AP2A2: variants seen among roughly 807,000 people sequenced by gnomAD.
AP2A2 encodes AP-2 complex subunit alpha-2.
In AP2A2, 32 loss-of-function variants were observed where a neutral mutation model predicts 104.2. The ratio of observed to expected loss-of-function variants is 0.31; its 90% confidence interval spans 0.23 to 0.41. AP2A2 has a LOEUF of 0.41. Among genes scored for constraint, AP2A2 ranks in the 10% least tolerant of loss-of-function variants. The pLI, the probability that AP2A2 is intolerant of heterozygous loss-of-function variation, is 1.00. For synonymous variants in AP2A2, 539 were observed against 533.3 expected, an observed-to-expected ratio of 1.01 and a Z score of -0.15; for missense variants, 912 against 1,261.0, an observed-to-expected ratio of 0.72 and a Z score of 4.19.
At chr11:1,007,134 C>T (rs1191808712) in intron 17 of AP2A2, 6 of 155,384 alleles carry the variant, frequency 3.9e-5, no homozygotes, top group African/African-American at 1.4e-4. Flanking sequence ...ACGTCTCTAC[C>T]TCTAAGGATA....
At chr11:983,772 C>G (rs756168834) in intron 6 of AP2A2, among the ~76,000 whole-genome samples, 1 of 152,224 alleles carries the variant, frequency 6.6e-6, no homozygotes, top group Non-Finnish European at 1.5e-5. Flanking sequence ...GTACATTTCT[C>G]TCTGAGCCCG....
At chr11:966,678 C>G (rs566398647) in intron 2 of AP2A2, among the ~76,000 whole-genome samples, 7 of 152,110 alleles carry the variant, frequency 4.6e-5, no homozygotes, top group Admixed American at 4.6e-4. Flanking sequence ...CCACCCTGCC[C>G]CCGAGGGTGT....
At chr11:983,023 T>C (rs548648073) in intron 6 of AP2A2, among the ~76,000 whole-genome samples, 49 of 143,260 alleles carry the variant, frequency 3.4e-4, no homozygotes, top group African/African-American at 6.2e-4. Context: ...TTTTCTTTTT[T>C]TTTTTTTTTT....
At chr11:997,898 C>T (rs1056021210) in intron 14 of AP2A2, among the ~76,000 whole-genome samples, 1 of 152,008 alleles carries the variant, frequency 6.6e-6, no homozygotes, top group Non-Finnish European at 1.5e-5. Context: ...GAGTGAGACT[C>T]GGTCTCAAAA....
intron 2 of AP2A2, among the ~76,000 whole-genome samples, chr11:962,311 A>G (rs1332419268): frequency 6.6e-6 from 1 of 152,258 alleles, no homozygotes; most frequent in Non-Finnish European, 1.5e-5. Flanking sequence ...CCATTTTGTT[A>G]TTGTGAAAAG....
At position 1,000,481 on chromosome 11, in the gene AP2A2, C is replaced by G. The variant is rs780966808; in HGVS notation, c.2006C>G (p.Pro669Arg). 4 of 1,540,186 alleles carry G rather than the reference C, an allele frequency of 2.6e-6. No homozygotes were observed. Among genetic ancestry groups the G allele is most frequent in the Non-Finnish European group, 3.5e-6 (4 of 1,147,114 alleles). ...CTGCTGGGTCTCGGGGCTGCCCCCCCTGCCCCCGCGGGCCCCCCACCCTCC... is the reference window on the plus strand; with the variant it reads ...CTGCTGGGTCTCGGGGCTGCCCCCCGTGCCCCCGCGGGCCCCCCACCCTCC... The part of the protein sequence containing the change: ...ADLLGLGAAP[P>R]APAGPPPSSG... Residue 669 changes from proline to arginine, a missense_variant, in exon 15 of 22, where the codon CCT becomes CGT. Physicochemically the swap from Pro to Arg is moderately radical, Grantham distance 103 (BLOSUM62 -2). This residue lies in a region of AP2A2 where 105 missense variants were observed against 90.9 expected (regional missense o/e 1.16). Transcript: ENST00000448903.
chr11:1,002,492 G>C (rs1041750625), intron 15 of AP2A2, among the ~76,000 whole-genome samples: 2 of 152,256 alleles, frequency 1.3e-5, no homozygotes, highest in African/African-American at 4.8e-5. Flanking sequence ...CCAGCAGCCT[G>C]CCGGGCTGTG....
chr11:941,900 TGAA>T (rs1853662266), intron 1 of AP2A2, among the ~76,000 whole-genome samples: 1 of 151,082 alleles, frequency 6.6e-6, no homozygotes, highest in Non-Finnish European at 1.5e-5. Context: ...CATGCTTAAA[TGAA>T]GTAGTAATAC....
At chr11:928,842 C>T (rs1853201672) in intron 1 of AP2A2, among the ~76,000 whole-genome samples, 1 of 152,170 alleles carries the variant, frequency 6.6e-6, no homozygotes, top group African/African-American at 2.4e-5. Context: ...AGCTGCAGCG[C>T]CCACCATTCT....
At chr11:1,009,871 C>T (rs1856361450) in intron 21 of AP2A2, 54 bp downstream of exon 21, 1 of 1,518,462 alleles carries the variant, frequency 6.6e-7, no homozygotes, top group South Asian at 1.2e-5. Context: ...TATTCTGGCA[C>T]AATGTACGTG....
At chr11:999,948 C>T (rs537459524) in intron 14 of AP2A2, among the ~76,000 whole-genome samples, 8 of 151,820 alleles carry the variant, frequency 5.3e-5, no homozygotes, top group Non-Finnish European at 1.0e-4. Flanking sequence ...GGACTACAGG[C>T]GCCCACCACC....
At chr11:957,090 C>A (rs1055882844) in intron 1 of AP2A2, 1 of 152,244 alleles carries the variant, frequency 6.6e-6, no homozygotes, top group Non-Finnish European at 1.5e-5. Context: ...TGTGAATGGA[C>A]ATCTCACGAC....
At chr11:954,007 G>T (rs1589961617) in intron 1 of AP2A2, among the ~76,000 whole-genome samples, 2 of 152,032 alleles carry the variant, frequency 1.3e-5, no homozygotes, top group South Asian at 4.1e-4. Context: ...GCTAATTTTT[G>T]TATTTTTAGT....
At chr11:991,986 C>T (rs1801852279) in intron 10 of AP2A2, among the ~76,000 whole-genome samples, 1 of 152,038 alleles carries the variant, frequency 6.6e-6, no homozygotes, top group Admixed American at 6.6e-5. Flanking sequence ...CTCCGGGGGG[C>T]ACCCGTGAGA....
intron 1 of AP2A2, among the ~76,000 whole-genome samples, chr11:955,003 T>C (rs1044878759): frequency 1.3e-5 from 2 of 152,246 alleles, no homozygotes; most frequent in African/African-American, 4.8e-5. Flanking sequence ...AGGTTTTTAG[T>C]ATTTCTGCTT....
At chr11:957,667 A>G (rs966052701) in intron 1 of AP2A2, among the ~76,000 whole-genome samples, 2 of 152,206 alleles carry the variant, frequency 1.3e-5, no homozygotes, top group Non-Finnish European at 2.9e-5. Flanking sequence ...TCACAATTGG[A>G]TATTATGCAA....
chr11:956,498 T>C (rs1481522515), intron 1 of AP2A2, among the ~76,000 whole-genome samples: 4 of 152,238 alleles, frequency 2.6e-5, no homozygotes, highest in African/African-American at 4.8e-5. Context: ...ACAAAGTTGT[T>C]TTTGCACACA....
chr11:981,746 G>T (rs1231576948), intron 6 of AP2A2, among the ~76,000 whole-genome samples: 1 of 152,248 alleles, frequency 6.6e-6, no homozygotes, highest in Non-Finnish European at 1.5e-5. Context: ...TCATAGAATT[G>T]GTTGTGTGAA....
At chr11:935,603 G>GTTTTTTTTGTTTTTTTT (rs1371841792) in intron 1 of AP2A2, among the ~76,000 whole-genome samples, 3 of 77,988 alleles carry the variant, frequency 3.8e-5, no homozygotes, top group African/African-American at 1.4e-4. Context: ...TGCCCGGCCA[G>GTTTTTTTTGTTTTTTTT]TTTTTTTTTT....
Sources: gnomAD v4.1 joint callset for allele counts (sites outside exome capture counted in the v4.1 genomes callset) on GRCh38, gnomAD v4.1.1 for gene constraint, gnomAD v4.1.1 regional missense constraint, MANE v1.5 for transcripts, NCBI Gene and HGNC (gene_info 2026-07-23, HGNC 2026-07-21) for gene names.